Variants in PLAG1 observed in about 807,000 individuals in gnomAD.
The protein encoded by PLAG1 is zinc finger protein PLAG1.
Under a neutral mutation model 35.5 loss-of-function variants are expected in PLAG1, and 7 were observed. The observed-to-expected ratio is 0.20, with a 90% CI of 0.11 to 0.37. The LOEUF (loss-of-function observed/expected upper bound fraction) is 0.37. PLAG1 is among the 10% of genes least tolerant of loss of function. PLAG1 has a pLI of 1.00. For missense variants in PLAG1, 454 were observed against 602.8 expected, an observed-to-expected ratio of 0.75 and a Z score of 2.58; for synonymous variants, 229 against 225.4, an observed-to-expected ratio of 1.02 and a Z score of -0.14.
intron 1 of PLAG1, among the ~76,000 whole-genome samples, chr8:56,182,790 T>C (rs1332849064): frequency 6.6e-6 from 1 of 152,182 alleles, no homozygotes; most frequent in Non-Finnish European, 1.5e-5. Flanking sequence ...GCTTCCATGC[T>C]GAGGACAAAG....
chr8:56,201,579 A>T (rs1475832088), intron 1 of PLAG1, among the ~76,000 whole-genome samples: 1 of 152,192 alleles, frequency 6.6e-6, no homozygotes, highest in African/African-American at 2.4e-5. Flanking sequence ...AATTTTCTTA[A>T]ATATATGAAC....
intron 1 of PLAG1, among the ~76,000 whole-genome samples, chr8:56,209,920 G>A (rs1464817948): frequency 6.6e-6 from 1 of 152,004 alleles, no homozygotes; most frequent in Non-Finnish European, 1.5e-5. Flanking sequence ...TTAAGAAAAT[G>A]GCATCACTTT....
chr8:56,171,976 A>AT (rs1811539973), intron 2 of PLAG1, among the ~76,000 whole-genome samples: 1 of 152,226 alleles, frequency 6.6e-6, no homozygotes, highest in African/African-American at 2.4e-5. Context: ...CATGAAAAGA[A>AT]TAACGGTCAA....
intron 1 of PLAG1, among the ~76,000 whole-genome samples, chr8:56,181,416 A>G (rs1052969562): frequency 6.6e-6 from 1 of 152,248 alleles, no homozygotes; most frequent in East Asian, 1.9e-4. Flanking sequence ...TGTCCTTTGC[A>G]GAGACATGGA....
chr8:56,186,186 T>A (rs1812011735), intron 1 of PLAG1, among the ~76,000 whole-genome samples: 1 of 152,114 alleles, frequency 6.6e-6, no homozygotes, highest in Non-Finnish European at 1.5e-5. Flanking sequence ...TAAAAATTAT[T>A]TGTATAATTG....
intron 1 of PLAG1, among the ~76,000 whole-genome samples, chr8:56,204,779 A>G (rs568929671): frequency 6.6e-6 from 1 of 151,906 alleles, no homozygotes; most frequent in Non-Finnish European, 1.5e-5. Context: ...ATATTTAATG[A>G]GTGAAAGGCT....
rs776064725 is a variant in PLAG1, at chr8:56,166,988, G to C, written c.758C>G (p.Pro253Arg). Residue 253 changes from proline (P) to arginine (R), a missense_variant, in exon 5 of 5, where the codon CCA (proline) becomes CGA (arginine). Transcript: ENST00000316981. ...AGGCACAGACACATTGCAGGTAAAT[G>C]GGTCAAGGAAATCCACTGGTTCTGT... ...VKTEPVDFLD[P>R]FTCNVSVPIK... The C allele has an allele frequency of 1.9e-6, 3 of 1,613,972 alleles. No individual in the cohort carries two copies. Among genetic ancestry groups the C allele is most frequent in the Non-Finnish European group, 2.5e-6 (3 of 1,179,996 alleles).
chr8:56,186,381 A>T (rs1475570619), intron 1 of PLAG1, among the ~76,000 whole-genome samples: 1 of 151,428 alleles, frequency 6.6e-6, no homozygotes, highest in Non-Finnish European at 1.5e-5. Context: ...ATTTATTTTT[A>T]TTTTTTTTGA....
Position 56,166,224 on chromosome 8 carries a change from G to T in PLAG1, c.*19C>A, listed in dbSNP as rs1396820444. 1 of 1,528,524 alleles carries T rather than the reference G, an allele frequency of 6.5e-7. No individual in the cohort carries two copies. Among genetic ancestry groups the T allele is most frequent in the South Asian group, 1.3e-5 (1 of 78,464 alleles). The allele number at this position is 1,528,524 out of a possible 1,614,324, so 94.7% of individuals were successfully genotyped here. A position where few individuals can be genotyped will look rare whatever the true frequency, so the allele number is the denominator to read the frequency against. On this transcript the variant is annotated 3_prime_UTR_variant, in exon 5 of 5. Coordinates refer to ENST00000316981, the MANE Select transcript of PLAG1 (RefSeq NM_002655.3). ...ACAGCTACACATACATTTCTGTAAT[G>T]AATCCATGTCCCAGAATCCTACTGA...
chr8:56,174,562 G>A (rs188627286), intron 2 of PLAG1, among the ~76,000 whole-genome samples: 191 of 152,298 alleles, frequency 1.3e-3, no homozygotes, highest in Non-Finnish European at 1.9e-3. Context: ...TTTATTCACT[G>A]TTGTTTCCCA....
chr8:56,161,313 T>G lies in PLAG1; in HGVS notation c.*4930A>C, dbSNP rs910948544. On this transcript the variant is annotated 3_prime_UTR_variant, in exon 5 of 5. Transcript: ENST00000316981. The stretch of plus-strand genomic sequence containing the variant: ...ACAAAATTCGGCCTGGAATGCAGAT[T>G]TTTTTCTTTTCTATTTTGACTCAAA... The G allele has an allele frequency of 4.8e-6, 1 of 210,138 alleles. No individual in the cohort carries two copies. Among genetic ancestry groups the G allele is most frequent in the Non-Finnish European group, 9.7e-6 (1 of 103,262 alleles). 13.0% of individuals were successfully genotyped at this position (210,138 alleles called of 1,614,324 possible).
intron 1 of PLAG1, among the ~76,000 whole-genome samples, chr8:56,195,835 C>A (rs958609600): frequency 2.0e-5 from 3 of 152,126 alleles, no homozygotes; most frequent in Admixed American, 6.5e-5. Context: ...GAAGACAGAG[C>A]CCAAGATGGG....
chr8:56,190,896 G>T (rs1387212601), intron 1 of PLAG1, among the ~76,000 whole-genome samples: 2 of 152,152 alleles, frequency 1.3e-5, no homozygotes, highest in Non-Finnish European at 2.9e-5. Context: ...GGATGAGTAG[G>T]TATTGGTCCA....
Position 56,161,667 on chromosome 8 carries a change from T to C in PLAG1, c.*4576A>G. On this transcript the variant is annotated 3_prime_UTR_variant, in exon 5 of 5. Coordinates refer to ENST00000316981, the MANE Select transcript of PLAG1 (RefSeq NM_002655.3). Reference sequence around the variant, plus strand: ...GGTGTAAAAGTTTGTTAATGACAAATTAAGTCACAGTATAAAAATATATTG... The same window carrying C: ...GGTGTAAAAGTTTGTTAATGACAAACTAAGTCACAGTATAAAAATATATTG... 4.4e-6 allele frequency: 1 copy of C among 227,684 alleles called. No individual in the cohort carries two copies. Among genetic ancestry groups the C allele is most frequent in the Non-Finnish European group, 8.8e-6 (1 of 114,178 alleles). The allele number at this position is 227,684 out of a possible 1,614,324, so 14.1% of individuals were successfully genotyped here.
In PLAG1 at chr8:56,206,771, T is replaced by C. The variant is rs573703144; in HGVS notation, c.-322+4350A>G. 7.2e-5 allele frequency among the ~76,000 whole-genome samples: 11 copies of C among 152,112 alleles called. No homozygotes were observed. In the South Asian group the frequency reaches 1.9e-3, roughly 26 times the overall value. On this transcript the variant is annotated intron_variant, in intron 1 of 4. Transcript: ENST00000316981. ...CTTTGTTTTTCAGAAGTGACTGATA[T>C]AGTTTCAAAGTATTCAATGTTTCAG...
intron 1 of PLAG1, among the ~76,000 whole-genome samples, chr8:56,192,326 C>T (rs1326854234): frequency 6.6e-6 from 1 of 152,196 alleles, no homozygotes; most frequent in Admixed American, 6.5e-5. Context: ...AAGATTCATG[C>T]ATGAGGTCAT....
chr8:56,183,694 A>G (rs1457157304), intron 1 of PLAG1, among the ~76,000 whole-genome samples: 3 of 152,180 alleles, frequency 2.0e-5, no homozygotes, highest in Non-Finnish European at 4.4e-5. Flanking sequence ...TACAATCTTT[A>G]CAAATGTCTT....
chr8:56,178,409 A>G (rs1172651736), intron 2 of PLAG1, among the ~76,000 whole-genome samples: 3 of 152,218 alleles, frequency 2.0e-5, no homozygotes, highest in South Asian at 4.1e-4. Flanking sequence ...CCCTAACACT[A>G]AAGATTTTTA....
chr8:56,179,353 A>C (rs1811800414), intron 2 of PLAG1, 56 bp downstream of exon 2: 1 of 195,164 alleles, frequency 5.1e-6, no homozygotes, highest in East Asian at 1.9e-4. Context: ...GTATTTAGGA[A>C]CTGGAATAAT....
Sources: gnomAD v4.1 joint callset for allele counts (sites outside exome capture counted in the v4.1 genomes callset) on GRCh38, gnomAD v4.1.1 for gene constraint, MANE v1.5 for transcripts, NCBI Gene and HGNC (gene_info 2026-07-23, HGNC 2026-07-21) for gene names.